Variants in MORC4 observed in about 807,000 individuals in gnomAD.
MORC4 encodes the protein MORC family CW-type zinc finger protein 4.
In MORC4, 22 loss-of-function variants were observed where a neutral mutation model predicts 65.5. The ratio of observed to expected loss-of-function variants is 0.34; its 90% CI spans 0.24 to 0.48. The LOEUF (loss-of-function observed/expected upper bound fraction) is 0.48, where lower values mean the gene tolerates loss of function less well. Ranked by LOEUF, MORC4 falls within the 20% of genes least tolerant of loss-of-function variation. The probability of loss-of-function intolerance (pLI) is 0.99; values close to 1 mark genes in which losing one functional copy is unlikely to be tolerated. For synonymous variants in MORC4, 267 were observed against 255.8 expected, an observed-to-expected ratio of 1.04 and a Z score of -0.42; for missense variants, 624 against 703.0, an observed-to-expected ratio of 0.89 and a Z score of 1.27.
intron 3 of MORC4, among the ~76,000 whole-genome samples, chrX:106,990,391 G>C (rs1934957890): frequency 1.8e-5 from 2 of 109,398 alleles, no homozygotes; most frequent in African/African-American, 6.6e-5. Context: ...CGAGTAGCAG[G>C]GACTACAGGT....
intron 9 of MORC4, among the ~76,000 whole-genome samples, chrX:106,976,108 T>G (rs1036078176): frequency 1.8e-5 from 2 of 111,841 alleles, no homozygotes; most frequent in African/African-American, 6.5e-5. Flanking sequence ...TCCTTTCAGA[T>G]TCTTACCTGT....
chrX:106,946,587 T>A (rs763081887), intron 14 of MORC4, among the ~76,000 whole-genome samples: 1 of 112,524 alleles, frequency 8.9e-6, no homozygotes, highest in Non-Finnish European at 1.9e-5. Flanking sequence ...GATGCTGCTA[T>A]GAACATTAGC....
chrX:106,944,358 G>A (rs181291846), intron 14 of MORC4, among the ~76,000 whole-genome samples: 60 of 112,013 alleles, frequency 5.4e-4, no homozygotes, highest in African/African-American at 1.9e-3. Flanking sequence ...GTCTACTACT[G>A]ATGGCCCAGT....
intron 9 of MORC4, among the ~76,000 whole-genome samples, chrX:106,966,412 G>C (rs1569301328): frequency 8.9e-6 from 1 of 112,544 alleles, no homozygotes; most frequent in African/African-American, 3.2e-5. Context: ...TGAGGTACCT[G>C]GTTCATCTCA....
intron 2 of MORC4, among the ~76,000 whole-genome samples, chrX:106,996,399 G>C (rs934092978): frequency 6.4e-5 from 7 of 109,751 alleles, no homozygotes; most frequent in African/African-American, 2.0e-4. Flanking sequence ...GCACGGTTTT[G>C]TACTTACTTT....
chrX:106,981,078 T>C, intron 6 of MORC4, 59 bp from the exon 7 acceptor site: 2 of 1,167,205 alleles, frequency 1.7e-6, no homozygotes, highest in Non-Finnish European at 2.3e-6. Flanking sequence ...TCTGCTGACA[T>C]CCCCATAAAA....
At chrX:106,949,081 G>A (rs773946855) in intron 14 of MORC4, among the ~76,000 whole-genome samples, 1 of 111,559 alleles carries the variant, frequency 9.0e-6, no homozygotes, top group East Asian at 2.8e-4. Context: ...CTGAAGCTCT[G>A]TTCATTTTTC....
intron 12 of MORC4, 76 bp downstream of exon 12, chrX:106,956,860 C>A: frequency 1.2e-6 from 1 of 819,271 alleles, no homozygotes; most frequent in South Asian, 2.5e-5. Flanking sequence ...TCTCTCTTCT[C>A]AAAACTCCCG....
At chrX:106,974,217 C>T (rs1443553490) in intron 9 of MORC4, among the ~76,000 whole-genome samples, 1 of 111,774 alleles carries the variant, frequency 8.9e-6, no homozygotes, top group Non-Finnish European at 1.9e-5. Flanking sequence ...ATGCCAATTC[C>T]TTTACTTATT....
chrX:106,974,645 A>T (rs963162182), intron 9 of MORC4, among the ~76,000 whole-genome samples: 2 of 111,696 alleles, frequency 1.8e-5, no homozygotes, highest in African/African-American at 6.5e-5. Context: ...TATACAAATG[A>T]CTGTAAGCTC....
intron 2 of MORC4, among the ~76,000 whole-genome samples, chrX:106,998,825 AC>A (rs1053450607): frequency 1.1e-4 from 12 of 112,732 alleles, no homozygotes; most frequent in African/African-American, 3.9e-4. Flanking sequence ...TGGCATGGCC[AC>A]AGCGACTGCT....
chrX:106,970,845 G>A (rs58865489), intron 9 of MORC4, among the ~76,000 whole-genome samples: 501 of 111,960 alleles, frequency 4.5e-3, no homozygotes, highest in African/African-American at 0.016. Flanking sequence ...AACACTCCAT[G>A]CTCATGGATA....
chrX:106,945,414 T>TTGTGTGTGTGTGTG (rs35077497), intron 14 of MORC4, among the ~76,000 whole-genome samples: 26 of 83,257 alleles, frequency 3.1e-4, no homozygotes, highest in East Asian at 2.4e-3. Flanking sequence ...ACTTACTACT[T>TTGTGTGTGTGTGTG]TGTGTGTGTG....
intron 13 of MORC4, 133 bp from the exon 14 acceptor site, chrX:106,955,221 G>T (rs1418429858): frequency 1.6e-5 from 8 of 487,402 alleles, no homozygotes; most frequent in Non-Finnish European, 2.7e-5. Context: ...AAAACAAACA[G>T]TGTGCAGTAA....
chrX:106,945,735 T>C lies in MORC4; in HGVS notation c.1686-2530A>G, dbSNP rs1411782500. 3.6e-5 allele frequency among the ~76,000 whole-genome samples: 4 copies of C among 111,381 alleles called. No homozygotes were observed. The East Asian group carries it at 1.1e-3, about 31-fold the overall frequency. ...TATGGGTTTTATATACTAGAAATTCTCCAACTACACAGTTTCCTCTTATTT... is the reference window on the plus strand; with the variant it reads ...TATGGGTTTTATATACTAGAAATTCCCCAACTACACAGTTTCCTCTTATTT... On this transcript the variant is annotated intron_variant, in intron 14 of 16. Transcript: ENST00000355610.
At chrX:106,951,911 G>A (rs775537082) in intron 14 of MORC4, among the ~76,000 whole-genome samples, 9 of 101,205 alleles carry the variant, frequency 8.9e-5, no homozygotes, top group East Asian at 3.1e-4. Flanking sequence ...CAGGATAATC[G>A]CTTGAACTCG....
intron 11 of MORC4, among the ~76,000 whole-genome samples, chrX:106,957,455 C>A (rs901242255): frequency 7.2e-5 from 8 of 111,418 alleles, no homozygotes; most frequent in Non-Finnish European, 1.1e-4. Context: ...TATTTATAGA[C>A]CTAATCTTTG....
Position 106,956,933 on chromosome X carries a change from A to G in MORC4, c.1454+3T>C. 8.4e-7 allele frequency: 1 copy of G among 1,185,305 alleles called. No individual in the cohort carries two copies. Among genetic ancestry groups the G allele is most frequent in the South Asian group, 1.8e-5 (1 of 54,565 alleles). On this transcript the variant is annotated splice_donor_region_variant and intron_variant, in intron 12 of 16. Coordinates refer to ENST00000355610, the MANE Select transcript of MORC4 (RefSeq NM_024657.5). ...AGAGAACCCCATCTCATGTATACTCAACTGTTTCTTAGCTTTGCTCAAGCA... is the reference window on the plus strand; with the variant it reads ...AGAGAACCCCATCTCATGTATACTCGACTGTTTCTTAGCTTTGCTCAAGCA...
chrX:106,964,115 A>G (rs1569300638), intron 9 of MORC4, among the ~76,000 whole-genome samples: 1 of 111,967 alleles, frequency 8.9e-6, no homozygotes. Context: ...TACTCAAAAA[A>G]CTATATGAAG....
Sources: allele counts gnomAD v4.1 joint callset (sites outside exome capture counted in the v4.1 genomes callset), GRCh38; gene constraint gnomAD v4.1.1; transcripts MANE v1.5; gene names NCBI Gene and HGNC (gene_info 2026-07-23, HGNC 2026-07-21).